STX12: variants seen among roughly 807,000 people sequenced by gnomAD.
STX12 encodes syntaxin-12.
Under a neutral mutation model 42.2 loss-of-function variants are expected in STX12, and 17 were observed. The ratio of observed to expected loss-of-function variants is 0.40; its 90% confidence interval spans 0.28 to 0.60. STX12 has a LOEUF of 0.60. STX12 is among the 20% of genes least tolerant of loss of function. STX12 has a pLI of 0.39. For synonymous variants in STX12, 108 were observed against 116.7 expected (o/e 0.93, Z 0.48); for missense variants, 297 against 330.9 (o/e 0.90, Z 0.79).
At chr1:27,798,875 G>C (rs1048535314) in intron 3 of STX12, among the ~76,000 whole-genome samples, 1 of 149,852 alleles carries the variant, frequency 6.7e-6, no homozygotes, top group East Asian at 2.0e-4. Context: ...GATCATTTGA[G>C]TCTGGGAGGT....
chr1:27,810,106 GC>G, intron 4 of STX12, 139 bp from the exon 5 acceptor site: 2 of 698,208 alleles, frequency 2.9e-6, no homozygotes. Flanking sequence ...GAGACAGATT[GC>G]CAGAGTCCTA....
intron 5 of STX12, chr1:27,811,909 G>A (rs1002897539): frequency 1.8e-6 from 1 of 560,164 alleles, no homozygotes; most frequent in African/African-American, 1.9e-5. Flanking sequence ...AATGGAAACA[G>A]CCAGGAGTCC....
intron 7 of STX12, 146 bp downstream of exon 7, chr1:27,818,069 T>TA (rs2088955123): frequency 1.6e-6 from 1 of 643,622 alleles, no homozygotes; most frequent in African/African-American, 1.8e-5. Context: ...ATTTGTCTCT[T>TA]AAAAAAGAAA....
At chr1:27,795,690 A>G (rs1362940603) in intron 3 of STX12, among the ~76,000 whole-genome samples, 1 of 152,180 alleles carries the variant, frequency 6.6e-6, no homozygotes, top group African/African-American at 2.4e-5. Flanking sequence ...TCCATGTAGC[A>G]TATCTGGAGT....
chr1:27,821,783 G>A (rs950349270), intron 8 of STX12, among the ~76,000 whole-genome samples: 3 of 152,128 alleles, frequency 2.0e-5, no homozygotes, highest in African/African-American at 4.8e-5. Flanking sequence ...TTGGGAAGCC[G>A]AGGCAGGTAG....
intron 1 of STX12, among the ~76,000 whole-genome samples, chr1:27,787,185 C>T (rs1364734591): frequency 6.6e-6 from 1 of 151,612 alleles, no homozygotes; most frequent in African/African-American, 2.4e-5. Context: ...GTGCTACCAG[C>T]CTATATATAC....
At chr1:27,811,634 G>T (rs1369062442) in intron 5 of STX12, among the ~76,000 whole-genome samples, 1 of 151,690 alleles carries the variant, frequency 6.6e-6, no homozygotes, top group South Asian at 2.1e-4. Flanking sequence ...ACCGCGCCTG[G>T]CCTGTTAAGA....
At chr1:27,812,558 C>G (rs980077986) in intron 6 of STX12, among the ~76,000 whole-genome samples, 1 of 152,024 alleles carries the variant, frequency 6.6e-6, no homozygotes, top group Non-Finnish European at 1.5e-5. Flanking sequence ...TCTCCTGCCT[C>G]AGACTCTCGA....
intron 1 of STX12, among the ~76,000 whole-genome samples, chr1:27,784,970 A>G (rs2088690277): frequency 6.6e-6 from 1 of 152,116 alleles, no homozygotes; most frequent in Admixed American, 6.6e-5. Context: ...GAAATCAGAA[A>G]AGTCTAGATG....
chr1:27,812,353 T>A (rs1266816215), intron 6 of STX12, 85 bp downstream of exon 6: 3 of 1,001,550 alleles, frequency 3.0e-6, no homozygotes, highest in Admixed American at 4.6e-5. Flanking sequence ...CTCTTAGTGA[T>A]TATGAAAAGG....
At chr1:27,811,573 G>A (rs2088903976) in intron 5 of STX12, among the ~76,000 whole-genome samples, 2 of 151,898 alleles carry the variant, frequency 1.3e-5, no homozygotes, top group African/African-American at 4.8e-5. Flanking sequence ...CTGGCCTCAA[G>A]CAGTCCTCCT....
rs546177782 is a variant in STX12, at chr1:27,817,980, C to T, written c.649+57C>T. 5.5e-6 allele frequency: 8 copies of T among 1,465,746 alleles called. No individual in the cohort carries two copies. In the Admixed American group the frequency reaches 1.2e-4, roughly 22 times the overall value. The allele number at this position is 1,465,746 out of a possible 1,614,324, so 90.8% of individuals were successfully genotyped here. On this transcript the variant is annotated intron_variant, in intron 7 of 8. Coordinates refer to ENST00000373943, the MANE Select transcript of STX12 (RefSeq NM_177424.3). The stretch of plus-strand genomic sequence containing the variant: ...TGAGTTGATAGTATTTGGCATGCAT[C>T]TGTAATCCCAGCTACTCAGAAGGCT...
At chr1:27,790,749 C>T (rs2088734493) in intron 2 of STX12, among the ~76,000 whole-genome samples, 1 of 151,980 alleles carries the variant, frequency 6.6e-6, no homozygotes. Flanking sequence ...CAAGACCAGC[C>T]TGGCCAACAT....
intron 8 of STX12, chr1:27,820,043 G>A (rs2088973728): frequency 4.9e-6 from 1 of 205,156 alleles, no homozygotes; most frequent in Admixed American, 5.4e-5. Context: ...AATTAGGATA[G>A]TAAGAAGTAC....
chr1:27,805,061 C>T (rs755174972), intron 4 of STX12, among the ~76,000 whole-genome samples: 62 of 152,116 alleles, frequency 4.1e-4, no homozygotes, highest in Non-Finnish European at 7.4e-4. Flanking sequence ...GTCACTATCA[C>T]GAGAACAACA....
At position 27,801,802 on chromosome 1, in the gene STX12, G is replaced by C. The variant is rs1284153560; in HGVS notation, c.413G>C (p.Gly138Ala). 1.3e-6 allele frequency: 2 copies of C among 1,580,818 alleles called. No homozygotes were observed. Among genetic ancestry groups the C allele is most frequent in the South Asian group, 2.4e-5 (2 of 84,462 alleles). ...EKESIARARA[G>A]SRLSAEERQR... is the part of the protein sequence containing the mutation. The stretch of plus-strand genomic sequence containing the variant: ...GAGAGTATTGCCAGAGCAAGAGCTG[G>C]ATCTCGTCTTTCTGTAAGTTGATTC... The change falls in exon 4 of 9, where the codon GGA becomes GCA. Residue 138 changes from glycine (G) to alanine (A), a missense_variant. By Grantham distance (60) the Gly-to-Ala change is moderately conservative. Coordinates refer to ENST00000373943, the MANE Select transcript of STX12 (RefSeq NM_177424.3).
intron 1 of STX12, 109 bp from the exon 2 acceptor site, chr1:27,789,453 T>C (rs1201124571): frequency 9.9e-6 from 7 of 707,930 alleles, no homozygotes; most frequent in Non-Finnish European, 1.6e-5. Context: ...ATTAGTTGCA[T>C]GTATTAATAC....
chr1:27,800,488 GGT>G (rs57488710), intron 3 of STX12, among the ~76,000 whole-genome samples: 35,259 of 140,570 alleles, frequency 0.25, 4,344 homozygotes, highest in African/African-American at 0.31. Flanking sequence ...GTCAGTATGT[GGT>G]GTGTGTGTGT....
At chr1:27,798,718 A>AG (rs1449309913) in intron 3 of STX12, among the ~76,000 whole-genome samples, 7 of 148,968 alleles carry the variant, frequency 4.7e-5, no homozygotes, top group African/African-American at 1.7e-4. Context: ...TCTCAAAAAA[A>AG]GAAAAAAAAA....
Sources: gnomAD v4.1 joint callset for allele counts (sites outside exome capture counted in the v4.1 genomes callset) on GRCh38, gnomAD v4.1.1 for gene constraint, MANE v1.5 for transcripts, NCBI Gene and HGNC (gene_info 2026-07-23, HGNC 2026-07-21) for gene names.